AGPAT4: variants seen among roughly 807,000 people sequenced by gnomAD.
AGPAT4 encodes the protein 1-acyl-sn-glycerol-3-phosphate acyltransferase delta.
A neutral mutation model predicts 48.0 loss-of-function variants in AGPAT4; 15 were observed. The ratio of observed to expected loss-of-function variants is 0.31; its 90% confidence interval spans 0.21 to 0.48. The LOEUF is 0.48. AGPAT4 is among the 20% of genes least tolerant of loss of function. The pLI, the probability that AGPAT4 is intolerant of heterozygous loss-of-function variation, is 0.99. For missense variants in AGPAT4, 314 were observed against 482.5 expected (o/e 0.65, Z 3.27); for synonymous variants, 178 against 198.7 (o/e 0.90, Z 0.88).
chr6:161,160,954 G>C (rs1200701915), intron 3 of AGPAT4: 2 of 456,028 alleles, frequency 4.4e-6, no homozygotes, highest in Admixed American at 2.4e-5. Flanking sequence ...ATAGATAATA[G>C]GTGCTTGCTA....
At position 161,142,341 on chromosome 6, in the gene AGPAT4, C is replaced by A. The variant is rs568722562; in HGVS notation, c.844-2721G>T. Among the ~76,000 whole-genome samples the A allele has an allele frequency of 6.6e-6, 1 of 152,246 alleles. No homozygotes were observed. Among genetic ancestry groups the A allele is most frequent in the South Asian group, 2.1e-4 (1 of 4,822 alleles). On this transcript the variant is annotated intron_variant, in intron 7 of 8. Coordinates refer to ENST00000320285, the MANE Select transcript of AGPAT4 (RefSeq NM_020133.3). The surrounding 1 kb of genome is among the most constrained non-coding windows in gnomAD (Gnocchi z 6.4). ...TCCGTGGCCCATCTTGGTTGTGGAC[C>A]CGTTTTGTAATAAAATTTGCCCCGC...
At chr6:161,186,951 C>T (rs2114997960) in intron 2 of AGPAT4, among the ~76,000 whole-genome samples, 1 of 152,334 alleles carries the variant, frequency 6.6e-6, no homozygotes, top group Non-Finnish European at 1.5e-5. Context: ...GGAGTAGTCT[C>T]TCTCTTCAAC....
At chr6:161,182,082 C>T (rs966797649) in intron 2 of AGPAT4, among the ~76,000 whole-genome samples, 8 of 152,092 alleles carry the variant, frequency 5.3e-5, no homozygotes, top group African/African-American at 1.9e-4. Flanking sequence ...TGACCCCGAC[C>T]AGTCTGCTCT....
At chr6:161,152,018 C>T (rs1289888776) in intron 5 of AGPAT4, among the ~76,000 whole-genome samples, 1 of 152,218 alleles carries the variant, frequency 6.6e-6, no homozygotes, top group African/African-American at 2.4e-5. Flanking sequence ...GGAAGGACCT[C>T]GGAGGTGGCT....
At chr6:161,260,542 C>T (rs1177639638) in intron 1 of AGPAT4, among the ~76,000 whole-genome samples, 1 of 150,424 alleles carries the variant, frequency 6.6e-6, no homozygotes, top group Non-Finnish European at 1.5e-5. Flanking sequence ...GTCCTAGCTA[C>T]TCAGGAGGCT....
chr6:161,261,048 C>T lies in AGPAT4; in HGVS notation c.-90+12890G>A, dbSNP rs1383318335. On this transcript the variant is annotated intron_variant, in intron 1 of 8. Transcript: ENST00000320285. This position sits in a 1 kb window ranked among gnomAD's most constrained non-coding sequence, Gnocchi z 5.3. ...AGGGCTCACTCTGGTGCTCCGAGCT[C>T]GTGTATTCCGTTCCACCTGCCTGAT... 6.6e-6 allele frequency among the ~76,000 whole-genome samples: 1 copy of T among 152,190 alleles called. No homozygotes were observed. Among genetic ancestry groups the T allele is most frequent in the Non-Finnish European group, 1.5e-5 (1 of 68,034 alleles).
chr6:161,151,063 C>A (rs563930766), intron 5 of AGPAT4, among the ~76,000 whole-genome samples: 1 of 152,168 alleles, frequency 6.6e-6, no homozygotes, highest in African/African-American at 2.4e-5. Flanking sequence ...AGGAAAACCT[C>A]AAAAAAAGTG....
rs1335615232 is a variant in AGPAT4 at position 161,251,337 on chromosome 6, G to A, written c.-89-19035C>T. ...ATTCCCATGCAGTCTCTCCTACATC[G>A]AATACCAATAAACAGACATGAATTG... On this transcript the variant is annotated intron_variant, in intron 1 of 8. Transcript: ENST00000320285. This position sits in a 1 kb window ranked among gnomAD's most constrained non-coding sequence, Gnocchi z 4.6. Among the ~76,000 whole-genome samples the A allele has an allele frequency of 6.6e-6, 1 of 152,100 alleles. No homozygotes were observed. Among genetic ancestry groups the A allele is most frequent in the African/African-American group, 2.4e-5 (1 of 41,410 alleles).
intron 2 of AGPAT4, among the ~76,000 whole-genome samples, chr6:161,191,958 T>C (rs1780933468): frequency 6.6e-6 from 1 of 152,134 alleles, no homozygotes; most frequent in Non-Finnish European, 1.5e-5. Context: ...CTCCCCTGGT[T>C]AGGACCAGAG....
rs1583292829 is a variant in AGPAT4 at position 161,161,934 on chromosome 6, G to A, written c.348+4314C>T. On this transcript the variant is annotated intron_variant, in intron 3 of 8. Coordinates refer to ENST00000320285, the MANE Select transcript of AGPAT4 (RefSeq NM_020133.3). The surrounding 1 kb of genome is among the most constrained non-coding windows in gnomAD (Gnocchi z 4.6). ...CTCTCCTCCTCTCACCTTTCTCTGT[G>A]CAAAGAAATGCAATGCTGCTATTTT... The A allele has an allele frequency of 1.2e-5, 2 of 173,210 alleles. No homozygotes were observed. Among genetic ancestry groups the A allele is most frequent in the East Asian group, 2.8e-4 (2 of 7,084 alleles). 10.7% of individuals were successfully genotyped at this position (173,210 alleles called of 1,614,324 possible).
rs912381409 is a variant in AGPAT4 at position 161,154,940 on chromosome 6, C to T, written c.349-630G>A. ...GAGTCTCCGCTCACAGAGCAGGCTG[C>T]GGAGCCCAGTGGGATCTCCGGGTAC... On this transcript the variant is annotated intron_variant, in intron 3 of 8. Transcript: ENST00000320285. This position sits in a 1 kb window ranked among gnomAD's most constrained non-coding sequence, Gnocchi z 7.8. Among the ~76,000 whole-genome samples the T allele has an allele frequency of 3.9e-5, 6 of 152,196 alleles. No individual in the cohort carries two copies. The highest frequency in any genetic ancestry group is 1.2e-4 in the African/African-American group (5 of 41,450).
Position 161,198,519 on chromosome 6 carries a change from A to T in AGPAT4, c.179-32102T>A, listed in dbSNP as rs1390036252. Among the ~76,000 whole-genome samples, 7 of 152,272 alleles carry T rather than the reference A, an allele frequency of 4.6e-5. No individual in the cohort carries two copies. Among genetic ancestry groups the T allele is most frequent in the Non-Finnish European group, 1.0e-4 (7 of 68,048 alleles). On this transcript the variant is annotated intron_variant, in intron 2 of 8. Transcript: ENST00000320285. This position sits in a 1 kb window ranked among gnomAD's most constrained non-coding sequence, Gnocchi z 4.3. ...GAGAAACCTGTCTTACGGCCATGAC[A>T]GTGAGAAAAATAAACCAGGTGGCAA...
intron 2 of AGPAT4, among the ~76,000 whole-genome samples, chr6:161,186,944 G>A (rs1185253823): frequency 6.6e-6 from 1 of 152,168 alleles, no homozygotes; most frequent in Admixed American, 6.5e-5. Flanking sequence ...TCCCTTAGGA[G>A]TAGTCTCTCT....
In AGPAT4 at chr6:161,233,728, C is replaced by T. The variant is rs1782192358; in HGVS notation, c.-89-1426G>A. ...CTGAACATGTTTAAGGCAGGCGAGG[C>T]TAAACGATGATGTTTGGTAGGTGAG... On this transcript the variant is annotated intron_variant, in intron 1 of 8. Transcript: ENST00000320285. This position sits in a 1 kb window ranked among gnomAD's most constrained non-coding sequence, Gnocchi z 5.4. Among the ~76,000 whole-genome samples, 1 of 152,190 alleles carries T rather than the reference C, an allele frequency of 6.6e-6. No homozygotes were observed. The highest frequency in any genetic ancestry group is 1.5e-5 in the Non-Finnish European group (1 of 68,032).
At position 161,219,836 on chromosome 6, in the gene AGPAT4, TAG is replaced by T. The variant is rs140410909; in HGVS notation, c.178+12198_178+12199del. 1.9e-4 allele frequency among the ~76,000 whole-genome samples: 19 copies of T among 98,966 alleles called. No homozygotes were observed. Among genetic ancestry groups the T allele is most frequent in the African/African-American group, 8.0e-4 (16 of 20,016 alleles). The allele number at this position is 98,966 out of a possible 152,430, so 64.9% of individuals were successfully genotyped here. A position where few individuals can be genotyped will look rare whatever the true frequency, so the allele number is the denominator to read the frequency against. On this transcript the variant is annotated intron_variant, in intron 2 of 8. Transcript: ENST00000320285. The surrounding 1 kb of genome is among the most constrained non-coding windows in gnomAD (Gnocchi z 4.9). ...AAAAAGATAGACAGAGATAGATAGA[TAG>T]ATAGATAGATAGATAGATAGATAGA...
In AGPAT4 at chr6:161,130,885, G is replaced by C. The variant is rs570788980; in HGVS notation, c.*5655C>G. 2.1e-5 allele frequency: 11 copies of C among 519,038 alleles called. No homozygotes were observed. In the East Asian group the frequency reaches 6.0e-4, roughly 28 times the overall value. 32.2% of individuals were successfully genotyped at this position (519,038 alleles called of 1,614,324 possible). ...TCCTCATGATCTGCAAAGATACAGA[G>C]AGAATGGCATTCCAAAATTCCATGG... On this transcript the variant is annotated 3_prime_UTR_variant, in exon 9 of 9. Coordinates refer to ENST00000320285, the MANE Select transcript of AGPAT4 (RefSeq NM_020133.3).
chr6:161,172,798 C>T (rs1252989995), intron 2 of AGPAT4, among the ~76,000 whole-genome samples: 1 of 151,992 alleles, frequency 6.6e-6, no homozygotes, highest in East Asian at 1.9e-4. Flanking sequence ...CCCCCTTCCC[C>T]CCACCCCACA....
chr6:161,167,771 G>A lies in AGPAT4; in HGVS notation c.179-1354C>T, dbSNP rs139728082. Among the ~76,000 whole-genome samples the A allele has an allele frequency of 3.9e-5, 6 of 152,306 alleles. No homozygotes were observed. In the East Asian group the frequency reaches 5.8e-4, roughly 15 times the overall value. On this transcript the variant is annotated intron_variant, in intron 2 of 8. Transcript: ENST00000320285. Reference sequence around the variant, plus strand: ...CCAGTTTTTACGCAGTGAGCACTGCGGGACTTTGGACAAATTAACCTCCTA... The same window carrying A: ...CCAGTTTTTACGCAGTGAGCACTGCAGGACTTTGGACAAATTAACCTCCTA...
In AGPAT4 at chr6:161,231,463, C is replaced by G. The variant is rs1782119586; in HGVS notation, c.178+573G>C. Reference sequence around the variant, plus strand: ...ATGTCAATTTTCTCATTGGAATATGCTATTCCAGTGGTGCAAGATGCTACC... The same window carrying G: ...ATGTCAATTTTCTCATTGGAATATGGTATTCCAGTGGTGCAAGATGCTACC... On this transcript the variant is annotated intron_variant, in intron 2 of 8. Coordinates refer to ENST00000320285, the MANE Select transcript of AGPAT4 (RefSeq NM_020133.3). The surrounding 1 kb of genome is among the most constrained non-coding windows in gnomAD (Gnocchi z 5.3). 6.6e-6 allele frequency among the ~76,000 whole-genome samples: 1 copy of G among 152,080 alleles called. No individual in the cohort carries two copies. The highest frequency in any genetic ancestry group is 1.5e-5 in the Non-Finnish European group (1 of 68,016).
Sources: gnomAD v4.1 joint callset for allele counts (sites outside exome capture counted in the v4.1 genomes callset) on GRCh38, gnomAD v4.1.1 for gene constraint, Gnocchi (gnomAD v3.1) non-coding constraint, MANE v1.5 for transcripts, NCBI Gene and HGNC (gene_info 2026-07-23, HGNC 2026-07-21) for gene names.